The following OR4D9 variants were observed in gnomAD, a reference collection of about 807,000 sequenced individuals.
The protein encoded by OR4D9 is olfactory receptor 4D9.
In OR4D9, 2 loss-of-function variants were observed where a neutral mutation model predicts 0.8. That is an observed-to-expected ratio of 2.58 (90% CI 1.06 to 8.13). OR4D9 has a LOEUF of 8.13. OR4D9 is among the 30% of genes most tolerant of loss of function. The pLI is 0.04. For missense variants in OR4D9, 399 were observed against 384.7 expected (o/e 1.04, Z -0.31); for synonymous variants, 146 against 151.2 (o/e 0.97, Z 0.25).
intron 1 of OR4D9, among the ~76,000 whole-genome samples, chr11:59,512,162 G>A (rs1339018066): frequency 6.6e-6 from 1 of 152,166 alleles, no homozygotes; most frequent in Non-Finnish European, 1.5e-5. Flanking sequence ...TCAACTTAAT[G>A]TAGAGAATGA....
chr11:59,513,219 C>T (rs764115331), intron 1 of OR4D9, among the ~76,000 whole-genome samples: 3 of 152,078 alleles, frequency 2.0e-5, no homozygotes, highest in Admixed American at 2.0e-4. Flanking sequence ...GGACTACAGG[C>T]GTGTGCCACC....
In OR4D9 at chr11:59,517,487, A is replaced by G. The variant is rs11822089; in HGVS notation, c.*1630A>G. ...ATCCCCAATTCACTTCAAGGACATAATTTCCTCCTAGGAGAAGGAAATAAT... is the reference window on the plus strand; with the variant it reads ...ATCCCCAATTCACTTCAAGGACATAGTTTCCTCCTAGGAGAAGGAAATAAT... On this transcript the variant is annotated 3_prime_UTR_variant, in exon 3 of 3. Coordinates refer to ENST00000641962, the MANE Select transcript of OR4D9 (RefSeq NM_001004711.2). 155 of 152,290 alleles carry G rather than the reference A, an allele frequency of 1.0e-3. No individual in the cohort carries two copies. Among genetic ancestry groups the G allele is most frequent in the African/African-American group, 3.6e-3 (149 of 41,562 alleles). The allele number at this position is 152,290 out of a possible 1,614,324, so 9.4% of individuals were successfully genotyped here.
rs1248769344 is a variant in OR4D9 at position 59,517,029 on chromosome 11, ACTG to A, written c.*1173_*1175del. 6 of 151,896 alleles carry A rather than the reference ACTG, an allele frequency of 4.0e-5. No homozygotes were observed. Among genetic ancestry groups the A allele is most frequent in the African/African-American group, 1.5e-4 (6 of 41,324 alleles). 9.4% of individuals were successfully genotyped at this position (151,896 alleles called of 1,614,324 possible). ...GCTTGCAGTGAGCCGAGATCACACC[ACTG>A]TACTCCAGCCTGGGCAACAGAGCAA... On this transcript the variant is annotated 3_prime_UTR_variant, in exon 3 of 3. Coordinates refer to ENST00000641962, the MANE Select transcript of OR4D9 (RefSeq NM_001004711.2).
rs773530947 is a variant in OR4D9, at chr11:59,515,443, C to G, written c.531C>G (p.Phe177Leu). ...PFCGPNVLDTFYCDVPQVLKL... is the reference protein window; with the variant it reads ...PFCGPNVLDTLYCDVPQVLKL... The stretch of plus-strand genomic sequence containing the variant: ...GTGGACCCAATGTTCTTGACACTTT[C>G]TACTGCGATGTCCCCCAGGTCCTCA... Residue 177 changes from phenylalanine (F) to leucine (L), a missense_variant, in exon 3 of 3, where the codon TTC (phenylalanine) becomes TTG (leucine). Coordinates refer to ENST00000641962, the MANE Select transcript of OR4D9 (RefSeq NM_001004711.2). 9.3e-6 allele frequency: 15 copies of G among 1,614,044 alleles called. No homozygotes were observed. The highest frequency in any genetic ancestry group is 1.7e-5 in the Admixed American group (1 of 59,998).
Position 59,519,259 on chromosome 11 carries a change from G to A in OR4D9, c.*3402G>A, listed in dbSNP as rs887782655. ...TCCTAGCTACTCAGGAGACTGAGCT[G>A]GGAGGATCACTTGAGCCTGGGGAAG... On this transcript the variant is annotated 3_prime_UTR_variant, in exon 3 of 3. Transcript: ENST00000641962. 2 of 152,040 alleles carry A rather than the reference G, an allele frequency of 1.3e-5. No homozygotes were observed. The highest frequency in any genetic ancestry group is 4.8e-5 in the African/African-American group (2 of 41,346). 9.4% of individuals were successfully genotyped at this position (152,040 alleles called of 1,614,324 possible).
intron 1 of OR4D9, among the ~76,000 whole-genome samples, chr11:59,514,385 G>T (rs1317597561): frequency 6.6e-6 from 1 of 152,168 alleles, no homozygotes; most frequent in Non-Finnish European, 1.5e-5. Context: ...TATGCCTTTT[G>T]TGAAGTATTG....
rs569157348 is a variant in OR4D9, at chr11:59,520,534, A to G, written c.*4677A>G. ...TAAATGACGAGTTAATGGGCACAGC[A>G]CACCAGCATGGCACATGTATATGTA... On this transcript the variant is annotated 3_prime_UTR_variant, in exon 3 of 3. Transcript: ENST00000641962. The G allele has an allele frequency of 4.6e-5, 7 of 151,976 alleles. No individual in the cohort carries two copies. Among genetic ancestry groups the G allele is most frequent in the Admixed American group, 2.0e-4 (3 of 15,278 alleles). 9.4% of individuals were successfully genotyped at this position (151,976 alleles called of 1,614,324 possible).
intron 1 of OR4D9, among the ~76,000 whole-genome samples, chr11:59,513,742 G>A (rs1041661502): frequency 6.6e-6 from 1 of 151,958 alleles, no homozygotes; most frequent in South Asian, 2.1e-4. Context: ...AGACCAGCCT[G>A]GGTAACATAG....
chr11:59,520,476 G>A lies in OR4D9; in HGVS notation c.*4619G>A, dbSNP rs929255764. 4 of 105,642 alleles carry A rather than the reference G, an allele frequency of 3.8e-5. No individual in the cohort carries two copies. The highest frequency in any genetic ancestry group is 5.5e-5 in the Non-Finnish European group (3 of 54,698). 6.5% of individuals were successfully genotyped at this position (105,642 alleles called of 1,614,324 possible). ...GGACTGTTGTGGGGTGGGGGGAGGGGGGAGGGATAGCATTAGGAGATATAC... is the reference window on the plus strand; with the variant it reads ...GGACTGTTGTGGGGTGGGGGGAGGGAGGAGGGATAGCATTAGGAGATATAC... On this transcript the variant is annotated 3_prime_UTR_variant, in exon 3 of 3. Transcript: ENST00000641962.
At chr11:59,513,697 C>G (rs1859360908) in intron 1 of OR4D9, among the ~76,000 whole-genome samples, 1 of 151,838 alleles carries the variant, frequency 6.6e-6, no homozygotes, top group East Asian at 1.9e-4. Context: ...ACTTAAGAGG[C>G]CAAAGTAGGA....
intron 1 of OR4D9, among the ~76,000 whole-genome samples, chr11:59,513,225 C>A (rs888291316): frequency 6.6e-6 from 1 of 152,094 alleles, no homozygotes; most frequent in African/African-American, 2.4e-5. Context: ...CAGGCGTGTG[C>A]CACCACGCCC....
chr11:59,519,291 G>C lies in OR4D9; in HGVS notation c.*3434G>C, dbSNP rs1859444718. 6.6e-6 allele frequency: 1 copy of C among 151,762 alleles called. No individual in the cohort carries two copies. The allele number at this position is 151,762 out of a possible 1,614,324, so 9.4% of individuals were successfully genotyped here. On this transcript the variant is annotated 3_prime_UTR_variant, in exon 3 of 3. Coordinates refer to ENST00000641962, the MANE Select transcript of OR4D9 (RefSeq NM_001004711.2). ...TCACTTGAGCCTGGGGAAGTCAAGG[G>C]TGCAGCGAGCCATGAATGCCCCACC...
Position 59,515,325 on chromosome 11 carries a change from G to A in OR4D9, c.413G>A (p.Arg138Lys). 1 of 1,613,692 alleles carries A rather than the reference G, an allele frequency of 6.2e-7. No homozygotes were observed. Among genetic ancestry groups the A allele is most frequent in the Non-Finnish European group, 8.5e-7 (1 of 1,179,818 alleles). The change falls in exon 3 of 3, where the codon AGG (arginine) becomes AAG (lysine). Residue 138 changes from arginine to lysine, a missense_variant. Coordinates refer to ENST00000641962, the MANE Select transcript of OR4D9 (RefSeq NM_001004711.2). ...KPLHYMTIMS[R>K]GRCTGLIVAS... ...CTGCACTATATGACCATCATGAGTA[G>A]GGGGCGATGCACAGGCCTCATCGTG...
Position 59,520,327 on chromosome 11 carries a change from T to A in OR4D9, c.*4470T>A, listed in dbSNP as rs1251772898. On this transcript the variant is annotated 3_prime_UTR_variant, in exon 3 of 3. Transcript: ENST00000641962. ...CAAAAATGAAATCAATGTTATCTTC[T>A]TTGCTGATTGACATTTCCTGTGTTC... is the stretch of plus-strand genomic sequence containing the variant. 4 of 151,874 alleles carry A rather than the reference T, an allele frequency of 2.6e-5. No individual in the cohort carries two copies. Among genetic ancestry groups the A allele is most frequent in the Non-Finnish European group, 5.9e-5 (4 of 67,968 alleles). The allele number at this position is 151,874 out of a possible 1,614,324, so 9.4% of individuals were successfully genotyped here. A position where few individuals can be genotyped will look rare whatever the true frequency, so the allele number is the denominator to read the frequency against.
At position 59,519,230 on chromosome 11, in the gene OR4D9, G is replaced by T. The variant is rs149038851; in HGVS notation, c.*3373G>T. On this transcript the variant is annotated 3_prime_UTR_variant, in exon 3 of 3. Coordinates refer to ENST00000641962, the MANE Select transcript of OR4D9 (RefSeq NM_001004711.2). ...TAGCAGAGCATGGTGGCACACGCCT[G>T]TAGTCCTAGCTACTCAGGAGACTGA... is the stretch of plus-strand genomic sequence containing the variant. 6.6e-6 allele frequency: 1 copy of T among 152,154 alleles called. No homozygotes were observed. Among genetic ancestry groups the T allele is most frequent in the African/African-American group, 2.4e-5 (1 of 41,454 alleles). 9.4% of individuals were successfully genotyped at this position (152,154 alleles called of 1,614,324 possible). A position where few individuals can be genotyped will look rare whatever the true frequency, so the allele number is the denominator to read the frequency against.
rs1859466598 is a variant in OR4D9, at chr11:59,520,666, A to AT, written c.*4815dup. ...TCAATTGAGGAGATAATAGGGTTTT[A>AT]TTTTTTCTTTTCCTTGCAATGATTG... On this transcript the variant is annotated 3_prime_UTR_variant, in exon 3 of 3. Coordinates refer to ENST00000641962, the MANE Select transcript of OR4D9 (RefSeq NM_001004711.2). The AT allele has an allele frequency of 1.3e-5, 2 of 151,926 alleles. No individual in the cohort carries two copies. Among genetic ancestry groups the AT allele is most frequent in the Non-Finnish European group, 2.9e-5 (2 of 67,988 alleles). The allele number at this position is 151,926 out of a possible 1,614,324, so 9.4% of individuals were successfully genotyped here. A position where few individuals can be genotyped will look rare whatever the true frequency, so the allele number is the denominator to read the frequency against.
Position 59,515,623 on chromosome 11 carries a change from C to A in OR4D9, c.711C>A (p.Ile237=). 2 of 1,614,158 alleles carry A rather than the reference C, an allele frequency of 1.2e-6. No individual in the cohort carries two copies. Among genetic ancestry groups the A allele is most frequent in the Non-Finnish European group, 1.7e-6 (2 of 1,180,016 alleles). ...CTGGGGAAGGCAGGAGGAAAGCCATCTCCACCTGCACCTCCCACATCACCG... is the reference window on the plus strand; with the variant it reads ...CTGGGGAAGGCAGGAGGAAAGCCATATCCACCTGCACCTCCCACATCACCG... ...SHTGEGRRKA[I]STCTSHITVV... is the part of the protein sequence containing the mutation. Residue 237 remains isoleucine, a synonymous_variant, in exon 3 of 3, where the codon ATC becomes ATA. Transcript: ENST00000641962.
At chr11:59,512,286 T>TTTTATTC (rs1291137143) in intron 1 of OR4D9, among the ~76,000 whole-genome samples, 16 of 147,846 alleles carry the variant, frequency 1.1e-4, no homozygotes, top group Admixed American at 1.0e-3. Context: ...TTGGGATGAT[T>TTTTATTC]TTTTTTCTTT....
chr11:59,514,960 A>T lies in OR4D9; in HGVS notation c.48A>T (p.Gly16=). 1.9e-6 allele frequency: 3 copies of T among 1,613,842 alleles called. No homozygotes were observed. Among genetic ancestry groups the T allele is most frequent in the Non-Finnish European group, 2.5e-6 (3 of 1,179,814 alleles). The change falls in exon 3 of 3, where the codon GGA becomes GGT. Residue 16 remains glycine (G), a synonymous_variant. Coordinates refer to ENST00000641962, the MANE Select transcript of OR4D9 (RefSeq NM_001004711.2). Reference sequence around the variant, plus strand: ...GAGTGAAAGAATTTACCTTCCTGGGAATTACTCAGTCCCGAGAACTGAGCC... The same window carrying T: ...GAGTGAAAGAATTTACCTTCCTGGGTATTACTCAGTCCCGAGAACTGAGCC... ...YTRVKEFTFL[G]ITQSRELSQV... is the part of the protein sequence containing the mutation.
Sources: gnomAD v4.1 joint callset for allele counts (sites outside exome capture counted in the v4.1 genomes callset) on GRCh38, gnomAD v4.1.1 for gene constraint, MANE v1.5 for transcripts, NCBI Gene and HGNC (gene_info 2026-07-23, HGNC 2026-07-21) for gene names.